IQGAP1: variants seen among roughly 807,000 people sequenced by gnomAD.
IQGAP1 encodes the protein ras GTPase-activating-like protein IQGAP1.
In IQGAP1, 66 loss-of-function variants were observed where a neutral mutation model predicts 215.6. The ratio of observed to expected loss-of-function variants is 0.31; its 90% CI spans 0.25 to 0.38. IQGAP1 has a LOEUF of 0.38. Among genes scored for constraint, IQGAP1 ranks in the 10% least tolerant of loss-of-function variants. The pLI is 1.00. For missense variants in IQGAP1, 1,712 were observed against 1,997.1 expected, an observed-to-expected ratio of 0.86 and a Z score of 2.72; for synonymous variants, 772 against 728.7, an observed-to-expected ratio of 1.06 and a Z score of -0.96.
chr15:90,481,269 CTTT>C (rs57452745), intron 26 of IQGAP1, among the ~76,000 whole-genome samples: 177 of 113,162 alleles, frequency 1.6e-3, no homozygotes, highest in African/African-American at 5.2e-3. Flanking sequence ...CTCTCTGCCT[CTTT>C]TTTTTTTTTT....
chr15:90,464,205 G>A (rs943485180), intron 15 of IQGAP1, among the ~76,000 whole-genome samples: 2 of 152,140 alleles, frequency 1.3e-5, no homozygotes, highest in African/African-American at 2.4e-5. Flanking sequence ...TTGGGTCTGC[G>A]TAGATCACCA....
At chr15:90,452,037 C>T (rs1456567189) in intron 11 of IQGAP1, among the ~76,000 whole-genome samples, 1 of 152,134 alleles carries the variant, frequency 6.6e-6, no homozygotes, top group Non-Finnish European at 1.5e-5. Context: ...ACCGTGTTGA[C>T]CAGGATGGTC....
rs368661681 is a variant in IQGAP1 at position 90,452,875 on chromosome 15, G to A, written c.1263G>A (p.Val421=). 5.6e-6 allele frequency: 9 copies of A among 1,614,016 alleles called. No homozygotes were observed. The African/African-American group carries it at 1.1e-4, about 19-fold the overall frequency. ...ATCCCGAAGCCCAGCTGCCCCAGGT[G>A]TATCCATTTGCCGCCGATCTCTATC... ...LMNPEAQLPQ[V]YPFAADLYQK... The change falls in exon 12 of 38, where the codon GTG becomes GTA. Residue 421 remains valine, a synonymous_variant. Transcript: ENST00000268182.
rs146235564 is a variant in IQGAP1, at chr15:90,456,525, T to A, written c.1776+210T>A. Among the ~76,000 whole-genome samples the A allele has an allele frequency of 4.0e-3, 604 of 152,238 alleles. 1 individual carries two copies. The highest frequency in any genetic ancestry group is 6.8e-3 in the Middle Eastern group (2 of 294). Reference sequence around the variant, plus strand: ...TTTTACACATTTGGGTTTTTGTTCTTTTGTTTGTTGTTGACAGTCTTTTGT... The same window carrying A: ...TTTTACACATTTGGGTTTTTGTTCTATTGTTTGTTGTTGACAGTCTTTTGT... On this transcript the variant is annotated intron_variant, in intron 15 of 37. Coordinates refer to ENST00000268182, the MANE Select transcript of IQGAP1 (RefSeq NM_003870.4).
chr15:90,499,412 A>T (rs547785142), intron 37 of IQGAP1, among the ~76,000 whole-genome samples: 229 of 152,370 alleles, frequency 1.5e-3, no homozygotes, highest in Non-Finnish European at 2.7e-3. Context: ...CACAATGCCA[A>T]GCACATGGCA....
chr15:90,454,539 A>G lies in IQGAP1; in HGVS notation c.1599A>G (p.Gln533=), dbSNP rs759291442. 1.9e-6 allele frequency: 3 copies of G among 1,585,636 alleles called. No homozygotes were observed. Among genetic ancestry groups the G allele is most frequent in the East Asian group, 2.3e-5 (1 of 43,516 alleles). ...ACVDHVNLVV[Q]EEHERILAIG... ...TGGACCATGTGAACCTGGTGGTGCA[A>G]GAGGAACATGAGAGTGAGTTATCTT... Residue 533 remains glutamine, a synonymous_variant, in exon 14 of 38, where the codon CAA becomes CAG. Coordinates refer to ENST00000268182, the MANE Select transcript of IQGAP1 (RefSeq NM_003870.4).
chr15:90,479,587 A>G (rs1279082145), intron 26 of IQGAP1, among the ~76,000 whole-genome samples: 4 of 151,642 alleles, frequency 2.6e-5, no homozygotes, highest in Non-Finnish European at 5.9e-5. Flanking sequence ...AAAAAAAAAA[A>G]AAAAAAAAAT....
intron 15 of IQGAP1, among the ~76,000 whole-genome samples, chr15:90,458,485 G>A (rs772161313): frequency 9.2e-5 from 14 of 152,010 alleles, no homozygotes; most frequent in Non-Finnish European, 1.9e-4. Context: ...CAGATATAAG[G>A]CTCCCTTTGG....
chr15:90,406,426 G>C (rs1964878988), intron 2 of IQGAP1, among the ~76,000 whole-genome samples: 1 of 152,238 alleles, frequency 6.6e-6, no homozygotes, highest in Non-Finnish European at 1.5e-5. Flanking sequence ...CAGCCTCCCA[G>C]TGCTGGGATT....
intron 37 of IQGAP1, among the ~76,000 whole-genome samples, chr15:90,499,068 G>A (rs1441740909): frequency 1.3e-5 from 2 of 151,894 alleles, no homozygotes; most frequent in Admixed American, 6.6e-5. Flanking sequence ...CGCCTGCCTC[G>A]GCCTCCCAAA....
chr15:90,455,672 C>T (rs1271896765), intron 14 of IQGAP1, among the ~76,000 whole-genome samples: 5 of 152,232 alleles, frequency 3.3e-5, no homozygotes, highest in African/African-American at 1.2e-4. Flanking sequence ...GGGAGCCCTG[C>T]GCTTGGATCT....
chr15:90,401,528 C>G (rs1436545958), intron 2 of IQGAP1, among the ~76,000 whole-genome samples: 1 of 152,158 alleles, frequency 6.6e-6, no homozygotes, highest in Non-Finnish European at 1.5e-5. Context: ...CAGTGTATTC[C>G]CCTTGCCTCT....
Position 90,441,410 on chromosome 15 carries a change from T to TG in IQGAP1, c.650-90dup, listed in dbSNP as rs1772035531. On this transcript the variant is annotated intron_variant, in intron 7 of 37. Coordinates refer to ENST00000268182, the MANE Select transcript of IQGAP1 (RefSeq NM_003870.4). Reference sequence around the variant, plus strand: ...TGTGAAAAGGAGCCTCTGTCTCTAATGGGGGGTGCAATGTTGCTTTCTGTT... The same window carrying TG: ...TGTGAAAAGGAGCCTCTGTCTCTAATGGGGGGGTGCAATGTTGCTTTCTGTT... The TG allele has an allele frequency of 2.1e-5, 22 of 1,035,414 alleles. No individual in the cohort carries two copies. The South Asian group carries it at 2.6e-4, about 12-fold the overall frequency. The allele number at this position is 1,035,414 out of a possible 1,614,324, so 64.1% of individuals were successfully genotyped here.
chr15:90,489,641 C>T (rs1223288592), intron 33 of IQGAP1, among the ~76,000 whole-genome samples: 1 of 152,184 alleles, frequency 6.6e-6, no homozygotes, highest in Non-Finnish European at 1.5e-5. Context: ...CTGGCAAACT[C>T]TTGAGGCTGC....
At chr15:90,467,386 T>C in intron 17 of IQGAP1, 64 bp from the exon 18 acceptor site, 1 of 1,511,988 alleles carries the variant, frequency 6.6e-7, no homozygotes, top group Non-Finnish European at 8.9e-7. Context: ...ATCCTGCAGT[T>C]CTGGACGTAC....
Position 90,426,242 on chromosome 15 carries a change from T to C in IQGAP1, c.288T>C (p.Tyr96=). The part of the protein sequence containing the change: ...SPKVVSLKKI[Y]DREQTRYKAT... ...AAGTAGTGTCCCTGAAAAAAATCTA[T>C]GATCGAGAACAGACCAGATACAAGG... is the stretch of plus-strand genomic sequence containing the variant. Residue 96 remains tyrosine (Y), a synonymous_variant, in exon 3 of 38, where the codon TAT becomes TAC. Transcript: ENST00000268182. 1.5e-5 allele frequency: 24 copies of C among 1,603,550 alleles called. No individual in the cohort carries two copies. The highest frequency in any genetic ancestry group is 2.0e-5 in the Non-Finnish European group (24 of 1,177,148).
At chr15:90,472,755 C>G (rs879234429) in intron 18 of IQGAP1, 85 bp from the exon 19 acceptor site, 10 of 1,282,542 alleles carry the variant, frequency 7.8e-6, no homozygotes, top group South Asian at 2.8e-5. Flanking sequence ...GAGGTGTTAG[C>G]TTGTGTGCTG....
At chr15:90,435,147 T>C (rs1228491733) in intron 5 of IQGAP1, among the ~76,000 whole-genome samples, 1 of 152,196 alleles carries the variant, frequency 6.6e-6, no homozygotes, top group African/African-American at 2.4e-5. Context: ...TGAGAACTTG[T>C]GGATCTCGTG....
chr15:90,499,555 G>A lies in IQGAP1; in HGVS notation c.4861-440G>A, dbSNP rs145622451. 1.4e-4 allele frequency among the ~76,000 whole-genome samples: 21 copies of A among 152,186 alleles called. No homozygotes were observed. In the East Asian group the frequency reaches 3.7e-3, roughly 27 times the overall value. Reference sequence around the variant, plus strand: ...ATTACTAGCCTTATCTCATTTCCCCGTGCTTAGTATATTTCATCATAGGTT... The same window carrying A: ...ATTACTAGCCTTATCTCATTTCCCCATGCTTAGTATATTTCATCATAGGTT... On this transcript the variant is annotated intron_variant, in intron 37 of 37. Transcript: ENST00000268182.
Sources: allele counts gnomAD v4.1 joint callset (sites outside exome capture counted in the v4.1 genomes callset), GRCh38; gene constraint gnomAD v4.1.1; transcripts MANE v1.5; gene names NCBI Gene and HGNC (gene_info 2026-07-23, HGNC 2026-07-21).